The following TMEM132D variants were observed in gnomAD, a reference collection of about 807,000 sequenced individuals.
TMEM132D encodes transmembrane protein 132D.
TMEM132D carries 21 observed loss-of-function variants against 62.3 expected under a neutral mutation model. The observed-to-expected ratio is 0.34, with a 90% CI of 0.24 to 0.49. The LOEUF is 0.49. TMEM132D is among the 20% of genes least tolerant of loss of function. TMEM132D has a pLI of 0.99. For missense variants in TMEM132D, 1,346 were observed against 1,402.8 expected, an observed-to-expected ratio of 0.96 and a Z score of 0.65; for synonymous variants, 621 against 575.6, an observed-to-expected ratio of 1.08 and a Z score of -1.13.
chr12:129,759,745 C>A (rs1297640958), intron 1 of TMEM132D, among the ~76,000 whole-genome samples: 1 of 152,066 alleles, frequency 6.6e-6, no homozygotes, highest in African/African-American at 2.4e-5. Context: ...AGCTGTGTTA[C>A]CAACATATTA....
rs191372226 is a variant in TMEM132D at position 129,198,747 on chromosome 12, T to C, written c.1443+10773A>G. ...GTGGACAATATAGTTAACAATAGTA[T>C]ATTGTACATTTCAAAACGTGTCAAG... On this transcript the variant is annotated intron_variant, in intron 5 of 8. Transcript: ENST00000422113. 2.3e-3 allele frequency among the ~76,000 whole-genome samples: 353 copies of C among 152,296 alleles called. 1 individual carries two copies. Among genetic ancestry groups the C allele is most frequent in the Admixed American group, 4.4e-3 (67 of 15,306 alleles).
At chr12:129,491,001 C>T (rs926403500) in intron 3 of TMEM132D, among the ~76,000 whole-genome samples, 3 of 152,114 alleles carry the variant, frequency 2.0e-5, no homozygotes, top group African/African-American at 7.2e-5. Flanking sequence ...TTTAATGACA[C>T]CAGCTTTATG....
chr12:129,889,927 G>A (rs768427011), intron 1 of TMEM132D, among the ~76,000 whole-genome samples: 5 of 152,152 alleles, frequency 3.3e-5, no homozygotes, highest in Admixed American at 6.5e-5. Context: ...ACGGGAATGC[G>A]AGAAACACAA....
chr12:129,317,100 G>A (rs1333047437), intron 4 of TMEM132D, among the ~76,000 whole-genome samples: 1 of 152,014 alleles, frequency 6.6e-6, no homozygotes, highest in Non-Finnish European at 1.5e-5. Context: ...GGTTTTTAGT[G>A]GAGCATTTAG....
At chr12:129,444,886 T>C (rs888853416) in intron 3 of TMEM132D, among the ~76,000 whole-genome samples, 1 of 152,202 alleles carries the variant, frequency 6.6e-6, no homozygotes, top group African/African-American at 2.4e-5. Flanking sequence ...TTGGTGGAAA[T>C]GTAAACTAGT....
At chr12:129,642,969 G>C (rs1427544527) in intron 2 of TMEM132D, among the ~76,000 whole-genome samples, 1 of 127,054 alleles carries the variant, frequency 7.9e-6, no homozygotes, top group Non-Finnish European at 1.6e-5. Context: ...TTGTCACCAA[G>C]GCTGGAGAGC....
chr12:129,094,585 G>C (rs1273313178), intron 5 of TMEM132D, among the ~76,000 whole-genome samples: 2 of 152,178 alleles, frequency 1.3e-5, no homozygotes, highest in South Asian at 4.1e-4. Flanking sequence ...CTGTTGGTGG[G>C]ACTGTAAACT....
At chr12:129,424,378 T>C (rs1299918700) in intron 3 of TMEM132D, among the ~76,000 whole-genome samples, 1 of 152,092 alleles carries the variant, frequency 6.6e-6, no homozygotes, top group Non-Finnish European at 1.5e-5. Context: ...TTCTCCATGA[T>C]TTTTGCTTAG....
At chr12:129,585,070 T>C (rs747896109) in intron 2 of TMEM132D, among the ~76,000 whole-genome samples, 5 of 152,132 alleles carry the variant, frequency 3.3e-5, no homozygotes, top group Non-Finnish European at 7.4e-5. Context: ...TGGATACAAA[T>C]AAAGTCACTA....
At chr12:129,290,436 C>G (rs1881418427) in intron 4 of TMEM132D, among the ~76,000 whole-genome samples, 1 of 152,142 alleles carries the variant, frequency 6.6e-6, no homozygotes, top group South Asian at 2.1e-4. Context: ...TGAGCTGCTG[C>G]TAGCAGTAAT....
chr12:129,648,806 G>T (rs1185530045), intron 2 of TMEM132D, among the ~76,000 whole-genome samples: 1 of 152,090 alleles, frequency 6.6e-6, no homozygotes, highest in Non-Finnish European at 1.5e-5. Context: ...ATTTTCATAT[G>T]ATATGCATTT....
At chr12:129,104,121 C>A (rs9669252) in intron 5 of TMEM132D, among the ~76,000 whole-genome samples, 99,785 of 144,872 alleles carry the variant, frequency 0.69, 35,391 homozygotes, top group African/African-American at 0.85. Context: ...TGGAGGCATC[C>A]CACTACCTGA....
At chr12:129,310,792 C>T (rs4760047) in intron 4 of TMEM132D, among the ~76,000 whole-genome samples, 3 of 151,954 alleles carry the variant, frequency 2.0e-5, no homozygotes, top group African/African-American at 7.3e-5. Flanking sequence ...TTAATGAGCA[C>T]TCTGCACACC....
In TMEM132D at chr12:129,523,030, T is replaced by C. The variant is rs537316943; in HGVS notation, c.1115+8029A>G. On this transcript the variant is annotated intron_variant, in intron 3 of 8. Coordinates refer to ENST00000422113, the MANE Select transcript of TMEM132D (RefSeq NM_133448.3). Reference sequence around the variant, plus strand: ...ATATAGATACAGACATAGAAATTTTTTTCTCTGTAGGACTGCTACTGACGG... The same window carrying C: ...ATATAGATACAGACATAGAAATTTTCTTCTCTGTAGGACTGCTACTGACGG... Among the ~76,000 whole-genome samples the C allele has an allele frequency of 2.4e-3, 366 of 152,272 alleles. 1 individual carries two copies. The highest frequency in any genetic ancestry group is 3.2e-3 in the Non-Finnish European group (221 of 68,030).
intron 3 of TMEM132D, among the ~76,000 whole-genome samples, chr12:129,469,428 G>GT (rs1167746196): frequency 6.6e-6 from 1 of 151,816 alleles, no homozygotes; most frequent in East Asian, 2.0e-4. Flanking sequence ...AAATTCTGGA[G>GT]GGGGGGCCAG....
intron 4 of TMEM132D, among the ~76,000 whole-genome samples, chr12:129,239,095 C>A (rs900244050): frequency 6.0e-5 from 9 of 149,688 alleles, no homozygotes; most frequent in Non-Finnish European, 1.2e-4. Flanking sequence ...AGGATGTTGA[C>A]CATCTTTTCA....
At chr12:129,534,453 T>C (rs954361146) in intron 2 of TMEM132D, among the ~76,000 whole-genome samples, 9 of 151,632 alleles carry the variant, frequency 5.9e-5, no homozygotes, top group Non-Finnish European at 1.0e-4. Flanking sequence ...AAATGCAATT[T>C]GTATATACAT....
At chr12:129,456,398 G>A (rs1873468409) in intron 3 of TMEM132D, among the ~76,000 whole-genome samples, 1 of 152,118 alleles carries the variant, frequency 6.6e-6, no homozygotes, top group South Asian at 2.1e-4. Flanking sequence ...TGAGTCTCTA[G>A]TTCTCCCACT....
chr12:129,677,336 C>T (rs188540043), intron 2 of TMEM132D, among the ~76,000 whole-genome samples: 4 of 152,302 alleles, frequency 2.6e-5, no homozygotes, highest in East Asian at 3.9e-4. Flanking sequence ...CCACATAAGA[C>T]GTGACTTGCT....
Sources: gnomAD v4.1 joint callset for allele counts (sites outside exome capture counted in the v4.1 genomes callset) on GRCh38, gnomAD v4.1.1 for gene constraint, MANE v1.5 for transcripts, NCBI Gene and HGNC (gene_info 2026-07-23, HGNC 2026-07-21) for gene names.